Variants in ZDHHC14 observed in about 807,000 individuals in gnomAD.
ZDHHC14 encodes palmitoyltransferase ZDHHC14.
Under a neutral mutation model 47.7 loss-of-function variants are expected in ZDHHC14, and 16 were observed. The ratio of observed to expected loss-of-function variants is 0.34; its 90% CI spans 0.23 to 0.51. ZDHHC14 has a LOEUF of 0.51. Among genes scored for constraint, ZDHHC14 ranks in the 20% least tolerant of loss-of-function variants. The probability of loss-of-function intolerance (pLI) is 0.97; values close to 1 mark genes in which losing one functional copy is unlikely to be tolerated. For synonymous variants in ZDHHC14, 293 were observed against 278.9 expected (o/e 1.05, Z -0.50); for missense variants, 515 against 662.5 (o/e 0.78, Z 2.44).
intron 1 of ZDHHC14, among the ~76,000 whole-genome samples, chr6:157,521,707 T>C (rs1780922191): frequency 6.6e-6 from 1 of 152,192 alleles, no homozygotes; most frequent in Non-Finnish European, 1.5e-5. Flanking sequence ...ACCACAAACA[T>C]TAGGACCATA....
Position 157,640,532 on chromosome 6 carries a change from C to T in ZDHHC14, c.753-5205C>T, listed in dbSNP as rs1009917713. ...GATACCTGCTGATCCTGAGAGGGAC[C>T]CCAGAAAGTAGGTAGGACAGGTGTC... is the stretch of plus-strand genomic sequence containing the variant. On this transcript the variant is annotated intron_variant, in intron 5 of 8. Transcript: ENST00000359775. Among the ~76,000 whole-genome samples, 4 of 152,264 alleles carry T rather than the reference C, an allele frequency of 2.6e-5. No homozygotes were observed. The East Asian group carries it at 5.8e-4, about 22-fold the overall frequency.
At chr6:157,649,085 T>C (rs1426524899) in intron 7 of ZDHHC14, among the ~76,000 whole-genome samples, 2 of 152,252 alleles carry the variant, frequency 1.3e-5, no homozygotes, top group African/African-American at 4.8e-5. Context: ...ATTGGGGCTG[T>C]ATCTTTTCCA....
At chr6:157,624,442 G>A (rs376619297) in intron 3 of ZDHHC14, among the ~76,000 whole-genome samples, 27 of 152,318 alleles carry the variant, frequency 1.8e-4, no homozygotes, top group South Asian at 4.1e-4. Flanking sequence ...TTAGGAGTTC[G>A]TTCCTTGGAT....
At chr6:157,653,471 C>A in intron 7 of ZDHHC14, 54 bp from the exon 8 acceptor site, 2 of 1,587,796 alleles carry the variant, frequency 1.3e-6, no homozygotes, top group South Asian at 2.2e-5. Context: ...AGTGCTGCTG[C>A]ATCTCTGGCT....
chr6:157,624,357 CAT>C (rs1785319760), intron 3 of ZDHHC14, among the ~76,000 whole-genome samples: 1 of 152,206 alleles, frequency 6.6e-6, no homozygotes, highest in East Asian at 1.9e-4. Context: ...GGCCTGTTCT[CAT>C]CCTTGACCTG....
chr6:157,546,948 C>A (rs951772609), intron 2 of ZDHHC14, among the ~76,000 whole-genome samples: 1 of 152,160 alleles, frequency 6.6e-6, no homozygotes, highest in Non-Finnish European at 1.5e-5. Flanking sequence ...GCTCCCAAAG[C>A]AAGGCTAGTG....
intron 2 of ZDHHC14, among the ~76,000 whole-genome samples, chr6:157,592,312 A>G (rs1391720132): frequency 6.6e-6 from 1 of 152,202 alleles, no homozygotes; most frequent in Non-Finnish European, 1.5e-5. Flanking sequence ...TGCTATTGAG[A>G]TGATAAAATG....
At chr6:157,670,076 C>CCCACAGCATGGGAGAGT (rs1778727173) in intron 8 of ZDHHC14, among the ~76,000 whole-genome samples, 1 of 152,134 alleles carries the variant, frequency 6.6e-6, no homozygotes, top group Non-Finnish European at 1.5e-5. Context: ...CATGGGAGAG[C>CCCACAGCATGGGAGAGT]GCCCGCAGCC....
In ZDHHC14 at chr6:157,612,587, A is replaced by G. The variant is rs541402401; in HGVS notation, c.566-15762A>G. Among the ~76,000 whole-genome samples the G allele has an allele frequency of 1.2e-4, 19 of 152,312 alleles. No individual in the cohort carries two copies. The South Asian group carries it at 2.1e-3, about 17-fold the overall frequency. The stretch of plus-strand genomic sequence containing the variant: ...GTATGCTTCCTTCATAGCTCTGACC[A>G]GGGTTGTCATGGTATACACTGGGGA... On this transcript the variant is annotated intron_variant, in intron 3 of 8. Coordinates refer to ENST00000359775, the MANE Select transcript of ZDHHC14 (RefSeq NM_024630.3).
At chr6:157,489,024 T>C (rs1399376049) in intron 1 of ZDHHC14, among the ~76,000 whole-genome samples, 1 of 152,234 alleles carries the variant, frequency 6.6e-6, no homozygotes, top group Admixed American at 6.5e-5. Context: ...TGCGGTTTGT[T>C]TACTGTAGCG....
intron 2 of ZDHHC14, among the ~76,000 whole-genome samples, chr6:157,590,566 T>G (rs1283664994): frequency 1.3e-5 from 2 of 152,204 alleles, no homozygotes; most frequent in Non-Finnish European, 2.9e-5. Flanking sequence ...CCACCTAGAT[T>G]TCAGAGGATG....
intron 2 of ZDHHC14, among the ~76,000 whole-genome samples, chr6:157,544,059 G>A (rs1449621389): frequency 6.6e-5 from 10 of 152,230 alleles, no homozygotes; most frequent in Admixed American, 6.5e-4. Context: ...GCTTAAATGG[G>A]TGAAAGTGGC....
chr6:157,538,849 A>G (rs1781638159), intron 1 of ZDHHC14, among the ~76,000 whole-genome samples: 1 of 152,184 alleles, frequency 6.6e-6, no homozygotes, highest in Admixed American at 6.5e-5. Flanking sequence ...TGGGCTGGAC[A>G]GGCAGCGCTG....
intron 1 of ZDHHC14, among the ~76,000 whole-genome samples, chr6:157,396,634 G>T (rs916811638): frequency 4.6e-5 from 7 of 152,192 alleles, no homozygotes; most frequent in African/African-American, 1.7e-4. Flanking sequence ...GTCAAATGGT[G>T]ATTATGGCTC....
chr6:157,645,432 A>C (rs1011676419), intron 5 of ZDHHC14, among the ~76,000 whole-genome samples: 2 of 152,084 alleles, frequency 1.3e-5, no homozygotes, highest in African/African-American at 4.8e-5. Flanking sequence ...GGCACAGAAA[A>C]AGGTGAAGTT....
intron 2 of ZDHHC14, among the ~76,000 whole-genome samples, chr6:157,552,676 G>A (rs1199760195): frequency 6.6e-6 from 1 of 152,176 alleles, no homozygotes; most frequent in East Asian, 1.9e-4. Flanking sequence ...ATGGAAAAGA[G>A]TCCCAGCCAT....
intron 5 of ZDHHC14, among the ~76,000 whole-genome samples, chr6:157,637,146 A>G (rs1217352682): frequency 2.6e-5 from 4 of 152,226 alleles, no homozygotes; most frequent in Non-Finnish European, 4.4e-5. Context: ...GCTGGATCCC[A>G]TCAGCACATC....
intron 2 of ZDHHC14, among the ~76,000 whole-genome samples, chr6:157,558,001 T>C (rs775067716): frequency 1.3e-5 from 2 of 152,266 alleles, no homozygotes; most frequent in Non-Finnish European, 2.9e-5. Context: ...CAGCAGCCAC[T>C]GTATAATAGT....
chr6:157,411,544 G>A (rs1317977506), intron 1 of ZDHHC14, among the ~76,000 whole-genome samples: 9 of 152,170 alleles, frequency 5.9e-5, no homozygotes, highest in Admixed American at 5.9e-4. Context: ...TATGTGAGAT[G>A]TCCCTCCTGG....
Sources: allele counts gnomAD v4.1 joint callset (sites outside exome capture counted in the v4.1 genomes callset), GRCh38; gene constraint gnomAD v4.1.1; transcripts MANE v1.5; gene names NCBI Gene and HGNC (gene_info 2026-07-23, HGNC 2026-07-21).